The following MTRES1 variants were observed in gnomAD, a reference collection of about 807,000 sequenced individuals.
The protein encoded by MTRES1 is uncharacterized protein C6orf203.
MTRES1 carries 11 observed loss-of-function variants against 17.4 expected under a neutral mutation model. The observed-to-expected ratio is 0.63, with a 90% confidence interval of 0.40 to 1.05. MTRES1 has a LOEUF of 1.05. MTRES1 is among the 50% of genes least tolerant of loss of function. MTRES1 has a pLI of 0.00. For synonymous variants in MTRES1, 94 were observed against 99.6 expected (o/e 0.94, Z 0.34); for missense variants, 268 against 276.2 (o/e 0.97, Z 0.21).
In MTRES1 at chr6:107,040,221, T is replaced by C. The variant is rs1554227540; in HGVS notation, c.461T>C (p.Ile154Thr). ...YDVVLKTGLD[I>T]GRNKVEDAFY... ...GTTGTCCTGAAGACGGGGCTAGATA[T>C]TGGGAGAAAGTGAGTATGATACGCA... is the stretch of plus-strand genomic sequence containing the variant. The change falls in exon 2 of 4, where the codon ATT (isoleucine) becomes ACT (threonine). Residue 154 changes from isoleucine to threonine, a missense_variant. Transcript: ENST00000311381. 5 of 1,588,438 alleles carry C rather than the reference T, an allele frequency of 3.1e-6. No homozygotes were observed. Among genetic ancestry groups the C allele is most frequent in the Non-Finnish European group, 4.3e-6 (5 of 1,172,096 alleles).
intron 1 of MTRES1, among the ~76,000 whole-genome samples, chr6:107,036,229 C>G (rs1582597930): frequency 6.6e-6 from 1 of 152,030 alleles, no homozygotes; most frequent in Admixed American, 6.6e-5. Context: ...TCTTATAATG[C>G]AAAATTTATT....
intron 3 of MTRES1, among the ~76,000 whole-genome samples, chr6:107,047,816 G>T (rs1774441753): frequency 6.6e-6 from 1 of 152,026 alleles, no homozygotes; most frequent in South Asian, 2.1e-4. Flanking sequence ...AATCCAGGAG[G>T]TGGAGCTTGC....
chr6:107,039,730 G>A lies in MTRES1; in HGVS notation c.-12-19G>A. On this transcript the variant is annotated intron_variant, in intron 1 of 3. Coordinates refer to ENST00000311381, the MANE Select transcript of MTRES1 (RefSeq NM_016487.5). ...GACACTGCACTTGTGAGATAAAACT[G>A]ATTTATTATCTGTTTCAGATTATAA... 1 of 1,570,364 alleles carries A rather than the reference G, an allele frequency of 6.4e-7. No individual in the cohort carries two copies. Among genetic ancestry groups the A allele is most frequent in the Non-Finnish European group, 8.6e-7 (1 of 1,165,670 alleles).
chr6:107,048,286 C>G (rs983434677), intron 3 of MTRES1, among the ~76,000 whole-genome samples: 36 of 151,956 alleles, frequency 2.4e-4, no homozygotes, highest in African/African-American at 6.7e-4. Context: ...AGGCACCTAC[C>G]ATCACGTTCT....
At chr6:107,043,595 ATAAG>A (rs1774292123) in intron 2 of MTRES1, among the ~76,000 whole-genome samples, 1 of 108,652 alleles carries the variant, frequency 9.2e-6, no homozygotes, top group Non-Finnish European at 2.2e-5. Flanking sequence ...TAAGAAAATC[ATAAG>A]GAAGTGAAAA....
chr6:107,049,499 C>T (rs1433445538), intron 3 of MTRES1, among the ~76,000 whole-genome samples: 4 of 148,954 alleles, frequency 2.7e-5, no homozygotes, highest in Admixed American at 6.7e-5. Flanking sequence ...CTGCAAGCTC[C>T]GCCTCCCGGA....
At chr6:107,034,481 G>A (rs1364025475) in intron 1 of MTRES1, among the ~76,000 whole-genome samples, 1 of 151,640 alleles carries the variant, frequency 6.6e-6, no homozygotes, top group African/African-American at 2.4e-5. Flanking sequence ...GAAAATAGAT[G>A]TCAGGGTGTG....
intron 1 of MTRES1, among the ~76,000 whole-genome samples, chr6:107,031,445 CTTTTCT>C (rs782319989): frequency 0.037 from 187 of 5,106 alleles, no homozygotes; most frequent in East Asian, 0.12. Context: ...GCAAAGGAGT[CTTTTCT>C]TTTTTTTTTT....
At chr6:107,038,880 C>A (rs190886712) in intron 1 of MTRES1, among the ~76,000 whole-genome samples, 1 of 152,044 alleles carries the variant, frequency 6.6e-6, no homozygotes, top group Admixed American at 6.6e-5. Context: ...CGTGTAGAAA[C>A]CCCATCTCTA....
intron 3 of MTRES1, among the ~76,000 whole-genome samples, chr6:107,049,301 C>T (rs1554228835): frequency 1.3e-5 from 2 of 152,104 alleles, no homozygotes; most frequent in East Asian, 1.9e-4. Flanking sequence ...GGCTTGCTCA[C>T]CCCCTACTGG....
chr6:107,031,185 G>C (rs1773823510), intron 1 of MTRES1, among the ~76,000 whole-genome samples: 1 of 151,876 alleles, frequency 6.6e-6, no homozygotes, highest in South Asian at 2.1e-4. Flanking sequence ...TTCCAGACCA[G>C]CCTGGCCAAG....
intron 2 of MTRES1, among the ~76,000 whole-genome samples, chr6:107,041,739 A>C (rs565579497): frequency 6.6e-6 from 1 of 151,996 alleles, no homozygotes; most frequent in South Asian, 2.1e-4. Flanking sequence ...TGTGTTAGCC[A>C]GGATGGTCTC....
intron 1 of MTRES1, among the ~76,000 whole-genome samples, chr6:107,029,494 TTG>T (rs1491452143): frequency 1.6e-5 from 2 of 124,088 alleles, no homozygotes; most frequent in South Asian, 2.7e-4. Flanking sequence ...GCCTGTTTTG[TTG>T]TTTTTTTTTT....
Position 107,044,238 on chromosome 6 carries a change from GTTGC to G in MTRES1, c.471-19_471-16del. 6.2e-7 allele frequency: 1 copy of G among 1,605,700 alleles called. No homozygotes were observed. The highest frequency in any genetic ancestry group is 8.5e-7 in the Non-Finnish European group (1 of 1,172,602). ...ACCCATCACCCAAATTGTGTACATT[GTTGC>G]TTTTTTTTGTTTTGTAGCAAAGTGG... On this transcript the variant is annotated intron_variant, in intron 2 of 3. Coordinates refer to ENST00000311381, the MANE Select transcript of MTRES1 (RefSeq NM_016487.5).
chr6:107,031,663 C>T (rs1020909209), intron 1 of MTRES1, among the ~76,000 whole-genome samples: 36 of 151,692 alleles, frequency 2.4e-4, no homozygotes, highest in Admixed American at 2.4e-3. Context: ...TGCAATGGCG[C>T]AATCTCAGCT....
intron 2 of MTRES1, 51 bp from the exon 3 acceptor site, chr6:107,044,209 G>C (rs781898660): frequency 4.5e-6 from 6 of 1,321,066 alleles, no homozygotes; most frequent in South Asian, 1.2e-5. Flanking sequence ...CTGGGCTTGA[G>C]TGTACCCATC....
At chr6:107,049,633 T>C (rs1438469540) in intron 3 of MTRES1, among the ~76,000 whole-genome samples, 1 of 151,698 alleles carries the variant, frequency 6.6e-6, no homozygotes, top group African/African-American at 2.4e-5. Flanking sequence ...CAGGATGGTC[T>C]CGATCTCCTG....
intron 3 of MTRES1, among the ~76,000 whole-genome samples, chr6:107,047,297 A>C (rs1774427362): frequency 6.6e-6 from 1 of 151,668 alleles, no homozygotes; most frequent in Admixed American, 6.6e-5. Flanking sequence ...GCCACAGCTC[A>C]TTGCAACCTT....
chr6:107,049,720 CTT>C (rs66581737), intron 3 of MTRES1, among the ~76,000 whole-genome samples: 12,900 of 98,966 alleles, frequency 0.13, 711 homozygotes, highest in East Asian at 0.37. Flanking sequence ...GCCGGCCCTT[CTT>C]TTTTTTTTTT....
Sources: allele counts gnomAD v4.1 joint callset (sites outside exome capture counted in the v4.1 genomes callset), GRCh38; gene constraint gnomAD v4.1.1; transcripts MANE v1.5; gene names NCBI Gene and HGNC (gene_info 2026-07-23, HGNC 2026-07-21).